The following NDUFS1 variants were observed in gnomAD, a reference collection of about 807,000 sequenced individuals.
NDUFS1 encodes the protein NADH:ubiquinone oxidoreductase core subunit S1, also known as NADH-ubiquinone oxidoreductase 75 kDa subunit, mitochondrial.
NDUFS1 carries 61 observed loss-of-function variants against 84.4 expected under a neutral mutation model. That is an observed-to-expected ratio of 0.72 (90% CI 0.59 to 0.89). The LOEUF is 0.89. Among genes scored for constraint, NDUFS1 ranks in the 40% least tolerant of loss-of-function variants. The pLI is 0.00. For synonymous variants in NDUFS1, 275 were observed against 290.0 expected (o/e 0.95, Z 0.53); for missense variants, 891 against 890.0 (o/e 1.00, Z -0.01).
At position 206,121,555 on chromosome 2, in the gene NDUFS1, C is replaced by G. The variant is rs1438487435; in HGVS notation, c.*2630G>C. On this transcript the variant is annotated 3_prime_UTR_variant, in exon 19 of 19. Transcript: ENST00000233190. The stretch of plus-strand genomic sequence containing the variant: ...CCTCCGCCTTGACTCTCAGTTCAAG[C>G]GATTTTCCTGCTTCAGCCTCCCCAG... 6.6e-6 allele frequency: 1 copy of G among 152,022 alleles called. No homozygotes were observed. Among genetic ancestry groups the G allele is most frequent in the East Asian group, 1.9e-4 (1 of 5,172 alleles). 9.4% of individuals were successfully genotyped at this position (152,022 alleles called of 1,614,324 possible).
chr2:206,159,199 G>T, intron 1 of NDUFS1, 142 bp downstream of exon 1: 1 of 1,506,574 alleles, frequency 6.6e-7, no homozygotes, highest in Non-Finnish European at 8.9e-7. Flanking sequence ...GCTCTCAGGG[G>T]CTTCCGAGGC....
chr2:206,148,466 A>G (rs180734096), intron 5 of NDUFS1, among the ~76,000 whole-genome samples: 1 of 152,198 alleles, frequency 6.6e-6, no homozygotes, highest in East Asian at 1.9e-4. Flanking sequence ...AGCCTAGAAT[A>G]AAGTATCATT....
intron 1 of NDUFS1, among the ~76,000 whole-genome samples, chr2:206,155,791 T>A (rs1218522109): frequency 6.6e-6 from 1 of 151,092 alleles, no homozygotes; most frequent in Admixed American, 6.6e-5. Context: ...GGACCTCAGG[T>A]GATCCACCTG....
intron 14 of NDUFS1, among the ~76,000 whole-genome samples, chr2:206,132,011 C>T (rs1691531136): frequency 6.6e-6 from 1 of 151,178 alleles, no homozygotes; most frequent in Non-Finnish European, 1.5e-5. Context: ...ATAGTCCCAG[C>T]TTACTTGGGA....
At chr2:206,146,754 A>T in intron 8 of NDUFS1, 149 bp downstream of exon 8, 1 of 710,580 alleles carries the variant, frequency 1.4e-6, no homozygotes, top group Non-Finnish European at 2.3e-6. Flanking sequence ...CATTCTAACT[A>T]CTTACCTTCT....
intron 18 of NDUFS1, among the ~76,000 whole-genome samples, chr2:206,125,915 T>A (rs535836208): frequency 1.3e-5 from 2 of 152,310 alleles, no homozygotes; most frequent in Admixed American, 1.3e-4. Context: ...CTTTTGAGCA[T>A]AGGTATTATT....
In NDUFS1 at chr2:206,149,799, A is replaced by C; in HGVS notation, c.261+19T>G. Reference sequence around the variant, plus strand: ...TTCTACCTTCTACAGCATGGTGTAGAATTTTAGGTATCAAGTACCTTAGGG... The same window carrying C: ...TTCTACCTTCTACAGCATGGTGTAGCATTTTAGGTATCAAGTACCTTAGGG... On this transcript the variant is annotated intron_variant, in intron 4 of 18. Transcript: ENST00000233190. 6.4e-7 allele frequency: 1 copy of C among 1,571,820 alleles called. No homozygotes were observed. The highest frequency in any genetic ancestry group is 1.1e-5 in the South Asian group (1 of 90,170).
chr2:206,153,705 T>A (rs1692463445), intron 1 of NDUFS1, 23 bp from the exon 2 acceptor site: 1 of 1,291,292 alleles, frequency 7.7e-7, no homozygotes. Flanking sequence ...CAAAGAATTA[T>A]ATTATTGTAG....
At chr2:206,144,476 A>AT (rs1371185834) in intron 9 of NDUFS1, among the ~76,000 whole-genome samples, 3 of 152,244 alleles carry the variant, frequency 2.0e-5, no homozygotes, top group African/African-American at 7.2e-5. Flanking sequence ...TTTACAAAGC[A>AT]TGAGTATCTC....
In NDUFS1 at chr2:206,149,799, A is replaced by T. The variant is rs771230854; in HGVS notation, c.261+19T>A. The stretch of plus-strand genomic sequence containing the variant: ...TTCTACCTTCTACAGCATGGTGTAG[A>T]ATTTTAGGTATCAAGTACCTTAGGG... On this transcript the variant is annotated intron_variant, in intron 4 of 18. Transcript: ENST00000233190. 6.4e-7 allele frequency: 1 copy of T among 1,571,818 alleles called. No homozygotes were observed. Among genetic ancestry groups the T allele is most frequent in the African/African-American group, 1.3e-5 (1 of 74,078 alleles).
At chr2:206,139,659 T>C (rs1691856797) in intron 12 of NDUFS1, among the ~76,000 whole-genome samples, 1 of 152,028 alleles carries the variant, frequency 6.6e-6, no homozygotes, top group South Asian at 2.1e-4. Context: ...ATGGCTCCAG[T>C]TCCTCCAAAA....
rs188842502 is a variant in NDUFS1 at position 206,144,640 on chromosome 2, A to C, written c.872+252T>G. On this transcript the variant is annotated intron_variant, in intron 9 of 18. Coordinates refer to ENST00000233190, the MANE Select transcript of NDUFS1 (RefSeq NM_005006.7). Reference sequence around the variant, plus strand: ...TTTCTCTAATGAACAAACTGAAATAAGTTGAGAATGTATCAATCTACTTGA... The same window carrying C: ...TTTCTCTAATGAACAAACTGAAATACGTTGAGAATGTATCAATCTACTTGA... Among the ~76,000 whole-genome samples the C allele has an allele frequency of 9.8e-5, 15 of 152,298 alleles. No homozygotes were observed. The East Asian group carries it at 2.5e-3, about 25-fold the overall frequency.
intron 16 of NDUFS1, 107 bp downstream of exon 16, chr2:206,127,690 C>A: frequency 8.4e-7 from 1 of 1,186,844 alleles, no homozygotes; most frequent in Non-Finnish European, 1.2e-6. Flanking sequence ...CAAATCATCT[C>A]TGCATTTCAG....
At chr2:206,159,175 C>G (rs1443076496) in intron 1 of NDUFS1, 166 bp downstream of exon 1, 2 of 1,534,366 alleles carry the variant, frequency 1.3e-6, no homozygotes, top group South Asian at 1.2e-5. Flanking sequence ...TGGCTAAAAG[C>G]CCCCCATCTG....
chr2:206,150,857 T>C (rs1431653878), intron 3 of NDUFS1, among the ~76,000 whole-genome samples: 1 of 152,140 alleles, frequency 6.6e-6, no homozygotes. Flanking sequence ...TCCGGTCTCT[T>C]TGAGTTCTAA....
At chr2:206,159,282 G>A in intron 1 of NDUFS1, 59 bp downstream of exon 1, 2 of 760,616 alleles carry the variant, frequency 2.6e-6, no homozygotes, top group East Asian at 2.7e-5. Context: ...AAACAGTCCC[G>A]TCAATAAATA....
rs775933087 is a variant in NDUFS1, at chr2:206,145,020, T to C, written c.744A>G (p.Thr248=). The change falls in exon 9 of 19, where the codon ACA becomes ACG. Residue 248 remains threonine (T), a synonymous_variant. Transcript: ENST00000233190. ...FTARPWETRK[T]ESIDVMDAVG... ...CCGCATCCATTACATCAATGGATTC[T>C]GTCTTTCTGAGAAACACATACGGTG... The C allele has an allele frequency of 1.9e-6, 3 of 1,613,636 alleles. No individual in the cohort carries two copies. Among genetic ancestry groups the C allele is most frequent in the Non-Finnish European group, 1.7e-6 (2 of 1,179,818 alleles).
At chr2:206,147,923 AT>A (rs879912751) in intron 5 of NDUFS1, 89 bp from the exon 6 acceptor site, 40,706 of 830,042 alleles carry the variant, frequency 0.049, no homozygotes, top group Middle Eastern at 0.069. Flanking sequence ...TATAGACTTT[AT>A]TTTTTTTTTT....
chr2:206,117,011 T>G lies in NDUFS1; in HGVS notation c.*7174A>C, dbSNP rs1022173659. ...TTCAGCCTGGGCGACAAACTGAGACTCCGTCTCAGAAAAAAAAAATAAATA... is the reference window on the plus strand; with the variant it reads ...TTCAGCCTGGGCGACAAACTGAGACGCCGTCTCAGAAAAAAAAAATAAATA... On this transcript the variant is annotated 3_prime_UTR_variant, in exon 19 of 19. Coordinates refer to ENST00000233190, the MANE Select transcript of NDUFS1 (RefSeq NM_005006.7). The G allele has an allele frequency of 2.0e-5, 3 of 151,718 alleles. No individual in the cohort carries two copies. Among genetic ancestry groups the G allele is most frequent in the African/African-American group, 7.3e-5 (3 of 41,244 alleles). The allele number at this position is 151,718 out of a possible 1,614,324, so 9.4% of individuals were successfully genotyped here. A position where few individuals can be genotyped will look rare whatever the true frequency, so the allele number is the denominator to read the frequency against.
Sources: allele counts gnomAD v4.1 joint callset (sites outside exome capture counted in the v4.1 genomes callset), GRCh38; gene constraint gnomAD v4.1.1; transcripts MANE v1.5; gene names NCBI Gene and HGNC (gene_info 2026-07-23, HGNC 2026-07-21).